Variants in CCSER1 observed in about 807,000 individuals in gnomAD.
CCSER1 encodes serine-rich coiled-coil domain-containing protein 1.
CCSER1 carries 41 observed loss-of-function variants against 82.0 expected under a neutral mutation model. The observed-to-expected ratio is 0.50, with a 90% CI of 0.39 to 0.65. CCSER1 has a LOEUF of 0.65. CCSER1 is among the 30% of genes least tolerant of loss of function. The pLI, the probability that CCSER1 is intolerant of heterozygous loss-of-function variation, is 0.00. For synonymous variants in CCSER1, 414 were observed against 383.9 expected (o/e 1.08, Z -0.92); for missense variants, 1,119 against 1,064.2 (o/e 1.05, Z -0.72).
At chr4:90,794,646 G>A (rs557345017) in intron 7 of CCSER1, among the ~76,000 whole-genome samples, 6 of 151,792 alleles carry the variant, frequency 4.0e-5, no homozygotes, top group South Asian at 2.1e-4. Flanking sequence ...ATATTCAGGC[G>A]TTCTTTTTTT....
rs1281879457 is a variant in CCSER1, at chr4:91,433,827, G to GAGTCTAGCTCT, written c.2218-164735_2218-164734insTAGTCTAGCTC. ...TGTCTTGTTTATCAAAGTGTCCCAA[G>GAGTCTAGCTCT]AGTCTAGCTCAGAGCCTAGAAAATG... On this transcript the variant is annotated intron_variant, in intron 10 of 10. Transcript: ENST00000509176. 3.3e-5 allele frequency among the ~76,000 whole-genome samples: 5 copies of GAGTCTAGCTCT among 152,190 alleles called. No individual in the cohort carries two copies. In the East Asian group the frequency reaches 9.6e-4, roughly 29 times the overall value.
At chr4:90,224,349 T>C (rs1229909013) in intron 1 of CCSER1, among the ~76,000 whole-genome samples, 1 of 152,208 alleles carries the variant, frequency 6.6e-6, no homozygotes, top group Non-Finnish European at 1.5e-5. Flanking sequence ...ACATTTGAAG[T>C]GATTTTGAAG....
intron 10 of CCSER1, among the ~76,000 whole-genome samples, chr4:91,134,097 T>C (rs112098277): frequency 0.015 from 2,229 of 152,090 alleles, 30 homozygotes; most frequent in African/African-American, 0.04. Flanking sequence ...AGATTCTGTC[T>C]CAAAAAAAGA....
chr4:91,316,291 G>T (rs1745832875), intron 10 of CCSER1, among the ~76,000 whole-genome samples: 2 of 151,916 alleles, frequency 1.3e-5, no homozygotes, highest in Admixed American at 6.6e-5. Context: ...ATTTATATTA[G>T]TAAATTCAAA....
rs534675827 is a variant in CCSER1 at position 90,979,214 on chromosome 4, T to G, written c.2172+55767T>G. On this transcript the variant is annotated intron_variant, in intron 9 of 10. Transcript: ENST00000509176. ...TATACAAAACATTTTAAATATTTTT[T>G]AAAGCAAAGCCAATTAGATACTAAT... is the stretch of plus-strand genomic sequence containing the variant. 2.6e-5 allele frequency among the ~76,000 whole-genome samples: 4 copies of G among 151,552 alleles called. No individual in the cohort carries two copies. The East Asian group carries it at 5.8e-4, about 22-fold the overall frequency.
intron 5 of CCSER1, among the ~76,000 whole-genome samples, chr4:90,533,622 ATC>A (rs1774917760): frequency 2.0e-5 from 3 of 152,156 alleles, no homozygotes. Flanking sequence ...AAGCCTAGAG[ATC>A]TTTTGGTTTG....
At chr4:90,805,799 G>T (rs907143563) in intron 7 of CCSER1, among the ~76,000 whole-genome samples, 1 of 151,832 alleles carries the variant, frequency 6.6e-6, no homozygotes, top group Non-Finnish European at 1.5e-5. Flanking sequence ...ACAAGCACAG[G>T]GTCAAATTGG....
At chr4:90,409,412 T>C (rs886965596) in intron 4 of CCSER1, among the ~76,000 whole-genome samples, 13 of 152,168 alleles carry the variant, frequency 8.5e-5, no homozygotes, top group Non-Finnish European at 2.9e-5. Context: ...GGGAAGCCCA[T>C]CAGACTAAAA....
chr4:90,146,370 T>C (rs1725810526), intron 1 of CCSER1, among the ~76,000 whole-genome samples: 1 of 152,056 alleles, frequency 6.6e-6, no homozygotes, highest in Non-Finnish European at 1.5e-5. Context: ...CATGTTTAAA[T>C]TTAACAAATG....
At chr4:90,229,174 T>G (rs1248423286) in intron 1 of CCSER1, among the ~76,000 whole-genome samples, 1 of 152,112 alleles carries the variant, frequency 6.6e-6, no homozygotes. Context: ...ATTGTCAGAT[T>G]CATTGAAGTT....
At chr4:90,693,575 C>T (rs1448272438) in intron 6 of CCSER1, 1 of 151,868 alleles carries the variant, frequency 6.6e-6, no homozygotes, top group Non-Finnish European at 1.5e-5. Flanking sequence ...GCTTGATGAC[C>T]TTGGAAAGGT....
At chr4:90,388,602 G>T (rs112715755) in intron 3 of CCSER1, among the ~76,000 whole-genome samples, 1 of 140,256 alleles carries the variant, frequency 7.1e-6, no homozygotes. Flanking sequence ...GAGCCACCAC[G>T]CCCGGCCCAT....
chr4:90,484,402 C>G (rs1470922329), intron 5 of CCSER1, among the ~76,000 whole-genome samples: 3 of 152,164 alleles, frequency 2.0e-5, no homozygotes, highest in Non-Finnish European at 2.9e-5. Flanking sequence ...CAGCTTTATT[C>G]CATTGCTGGT....
At chr4:90,301,021 A>G (rs1051503538) in intron 1 of CCSER1, among the ~76,000 whole-genome samples, 10 of 151,632 alleles carry the variant, frequency 6.6e-5, no homozygotes, top group African/African-American at 2.4e-4. Flanking sequence ...TTTCTAAGAG[A>G]TGGGTTCTCC....
intron 7 of CCSER1, among the ~76,000 whole-genome samples, chr4:90,760,005 A>G (rs1750180623): frequency 6.6e-6 from 1 of 152,036 alleles, no homozygotes; most frequent in Non-Finnish European, 1.5e-5. Context: ...TAAATGAAGT[A>G]TAAATATTTC....
chr4:90,421,017 G>T (rs925181222), intron 4 of CCSER1, among the ~76,000 whole-genome samples: 1 of 152,074 alleles, frequency 6.6e-6, no homozygotes, highest in Non-Finnish European at 1.5e-5. Flanking sequence ...AAGTAATTAA[G>T]AAAGCAAACG....
chr4:90,416,460 A>G (rs537915726), intron 4 of CCSER1, among the ~76,000 whole-genome samples: 69 of 152,288 alleles, frequency 4.5e-4, no homozygotes, highest in Non-Finnish European at 8.1e-4. Context: ...TCAACAAATG[A>G]TATTTCTGAG....
At chr4:90,418,674 A>G (rs2153559629) in intron 4 of CCSER1, among the ~76,000 whole-genome samples, 1 of 152,122 alleles carries the variant, frequency 6.6e-6, no homozygotes, top group Non-Finnish European at 1.5e-5. Context: ...AATAAAATTA[A>G]TTCATGTAAA....
chr4:91,317,130 C>T (rs754390551), intron 10 of CCSER1, among the ~76,000 whole-genome samples: 1 of 151,806 alleles, frequency 6.6e-6, no homozygotes. Context: ...ATACATATAT[C>T]ACATTACATT....
Sources: allele counts gnomAD v4.1 joint callset (sites outside exome capture counted in the v4.1 genomes callset), GRCh38; gene constraint gnomAD v4.1.1; transcripts MANE v1.5; gene names NCBI Gene and HGNC (gene_info 2026-07-23, HGNC 2026-07-21).